VDAC1: variants seen among roughly 807,000 people sequenced by gnomAD.
VDAC1 encodes voltage dependent anion channel 1, also known as non-selective voltage-gated ion channel VDAC1.
A neutral mutation model predicts 34.7 loss-of-function variants in VDAC1; 10 were observed. That is an observed-to-expected ratio of 0.29 (90% CI 0.18 to 0.49). The LOEUF (loss-of-function observed/expected upper bound fraction) is 0.49. VDAC1 is among the 20% of genes least tolerant of loss of function. The probability of loss-of-function intolerance (pLI) is 0.99; values close to 1 mark genes in which losing one functional copy is unlikely to be tolerated. For synonymous variants in VDAC1, 130 were observed against 136.0 expected (o/e 0.96, Z 0.30); for missense variants, 230 against 347.9 (o/e 0.66, Z 2.69).
At chr5:134,083,677 G>A in the VDAC1 span, among the ~76,000 whole-genome samples, 1 of 152,212 alleles carries the variant, frequency 6.6e-6, no homozygotes, top group African/African-American at 2.4e-5. Context: ...TCTCCACTAT[G>A]AGCCTTCAAC....
At chr5:134,109,211 T>A in the VDAC1 span, among the ~76,000 whole-genome samples, 1 of 152,228 alleles carries the variant, frequency 6.6e-6, no homozygotes, top group Non-Finnish European at 1.5e-5. Flanking sequence ...GCCCTAGGGA[T>A]AAGCAACAAA....
At chr5:134,011,172 T>C in the VDAC1 span, among the ~76,000 whole-genome samples, 2 of 152,136 alleles carry the variant, frequency 1.3e-5, no homozygotes, top group Admixed American at 1.3e-4. Context: ...TTTTTTTCTT[T>C]GTTTTTAGTA....
At chr5:134,085,365 GCCCGA>G in the VDAC1 span, among the ~76,000 whole-genome samples, 4 of 151,936 alleles carry the variant, frequency 2.6e-5, no homozygotes, top group Admixed American at 2.6e-4. Flanking sequence ...ACCGCGTGTG[GCCCGA>G]GATGATCCCT....
At chr5:133,998,587 G>C (rs957511936) in intron 1 of VDAC1, among the ~76,000 whole-genome samples, 1 of 152,204 alleles carries the variant, frequency 6.6e-6, no homozygotes, top group Admixed American at 6.5e-5. Context: ...ATTGAGCTGT[G>C]TTGTGTCCCA....
chr5:134,058,857 G>A, the VDAC1 span, among the ~76,000 whole-genome samples: 2 of 152,140 alleles, frequency 1.3e-5, no homozygotes, highest in Non-Finnish European at 2.9e-5. Flanking sequence ...CTCTCTGCAG[G>A]GAACTGCAGC....
chr5:133,992,962 G>A lies in VDAC1; in HGVS notation c.51C>T (p.Val17=). Residue 17 remains valine (V), a synonymous_variant, in exon 2 of 9, where the codon GTC becomes GTT. Transcript: ENST00000265333. ...YADLGKSARD[V]FTKGYGFGLI... is the part of the protein sequence containing the mutation. ...AACACTCACCATAGCCCTTGGTGAA[G>A]ACATCCCTGGCAGATTTGCCAAGAT... 1.2e-6 allele frequency: 2 copies of A among 1,613,736 alleles called. No individual in the cohort carries two copies. The highest frequency in any genetic ancestry group is 8.5e-7 in the Non-Finnish European group (1 of 1,179,730).
the VDAC1 span, among the ~76,000 whole-genome samples, chr5:134,021,702 C>A: frequency 6.6e-6 from 1 of 152,132 alleles, no homozygotes; most frequent in East Asian, 1.9e-4. Context: ...TACCTTACCA[C>A]AAAATGTGGT....
chr5:134,050,463 C>T, the VDAC1 span, among the ~76,000 whole-genome samples: 1 of 151,992 alleles, frequency 6.6e-6, no homozygotes, highest in African/African-American at 2.4e-5. Flanking sequence ...CACTTCCAAG[C>T]CCCCCCAGCA....
the VDAC1 span, among the ~76,000 whole-genome samples, chr5:134,083,342 C>T: frequency 2.0e-5 from 3 of 152,022 alleles, no homozygotes; most frequent in African/African-American, 7.3e-5. Flanking sequence ...GCACCTGCCA[C>T]CATGCCCGGC....
chr5:134,101,129 C>T, the VDAC1 span, among the ~76,000 whole-genome samples: 48 of 152,368 alleles, frequency 3.2e-4, no homozygotes, highest in African/African-American at 1.1e-3. Context: ...AAGTCCTTGA[C>T]GAAGGCCACC....
chr5:134,114,519 AG>A, the VDAC1 span, among the ~76,000 whole-genome samples: 1 of 152,012 alleles, frequency 6.6e-6, no homozygotes, highest in Non-Finnish European at 1.5e-5. Flanking sequence ...GATCATTCCC[AG>A]GCTTGTCCGA....
chr5:134,109,532 G>C, the VDAC1 span, among the ~76,000 whole-genome samples: 1 of 152,154 alleles, frequency 6.6e-6, no homozygotes, highest in Non-Finnish European at 1.5e-5. Flanking sequence ...CACTTTGGGA[G>C]GCCAAGGTGG....
At chr5:134,085,360 G>A in the VDAC1 span, among the ~76,000 whole-genome samples, 1 of 152,018 alleles carries the variant, frequency 6.6e-6, no homozygotes, top group East Asian at 1.9e-4. Context: ...GAGCCACCGC[G>A]TGTGGCCCGA....
chr5:133,979,228 C>T (rs1752593526), intron 6 of VDAC1, among the ~76,000 whole-genome samples: 1 of 152,094 alleles, frequency 6.6e-6, no homozygotes, highest in South Asian at 2.1e-4. Flanking sequence ...AAATGGCTAA[C>T]AGCCATTGTT....
chr5:134,083,189 T>C, the VDAC1 span, among the ~76,000 whole-genome samples: 1 of 149,040 alleles, frequency 6.7e-6, no homozygotes, highest in Non-Finnish European at 1.5e-5. Flanking sequence ...TCTTTTTTTT[T>C]CTTTTTTTTT....
chr5:134,003,316 T>A (rs1753632266), intron 1 of VDAC1, among the ~76,000 whole-genome samples: 1 of 152,116 alleles, frequency 6.6e-6, no homozygotes, highest in Admixed American at 6.5e-5. Context: ...TTCTCCTGCC[T>A]CAGTGGAGAA....
At chr5:134,082,159 G>C in the VDAC1 span, 1 of 152,158 alleles carries the variant, frequency 6.6e-6, no homozygotes, top group African/African-American at 2.4e-5. Flanking sequence ...TACTACAATC[G>C]ATATGATAGA....
chr5:134,015,879 G>A, the VDAC1 span, among the ~76,000 whole-genome samples: 1 of 152,166 alleles, frequency 6.6e-6, no homozygotes, highest in Admixed American at 6.5e-5. Flanking sequence ...TCCTGACCTT[G>A]TGATCTGCCT....
At chr5:134,102,749 T>G in the VDAC1 span, among the ~76,000 whole-genome samples, 1 of 152,124 alleles carries the variant, frequency 6.6e-6, no homozygotes, top group Non-Finnish European at 1.5e-5. Flanking sequence ...ATGACATGGG[T>G]GCTCTGGGTT....
Sources: allele counts gnomAD v4.1 joint callset (sites outside exome capture counted in the v4.1 genomes callset), GRCh38; gene constraint gnomAD v4.1.1; transcripts MANE v1.5; gene names NCBI Gene and HGNC (gene_info 2026-07-23, HGNC 2026-07-21).